The following CNTN5 variants were observed in gnomAD, a reference collection of about 807,000 sequenced individuals.
CNTN5 encodes the protein contactin-5.
A neutral mutation model predicts 129.1 loss-of-function variants in CNTN5; 77 were observed. The observed-to-expected ratio is 0.60, with a 90% CI of 0.50 to 0.72. CNTN5 has a LOEUF of 0.72. CNTN5 is among the 30% of genes least tolerant of loss of function. The probability of loss-of-function intolerance (pLI) is 0.00; values close to 1 mark genes in which losing one functional copy is unlikely to be tolerated. For synonymous variants in CNTN5, 509 were observed against 465.6 expected, an observed-to-expected ratio of 1.09 and a Z score of -1.20; for missense variants, 1,478 against 1,328.8, an observed-to-expected ratio of 1.11 and a Z score of -1.75.
At chr11:99,753,446 C>A (rs1322395936) in intron 3 of CNTN5, among the ~76,000 whole-genome samples, 2 of 151,410 alleles carry the variant, frequency 1.3e-5, no homozygotes, top group East Asian at 3.9e-4. Flanking sequence ...ATAGTTTTCA[C>A]CCTAAACACT....
chr11:99,461,514 A>G (rs1944697369), intron 2 of CNTN5, among the ~76,000 whole-genome samples: 2 of 152,164 alleles, frequency 1.3e-5, no homozygotes, highest in Admixed American at 1.3e-4. Context: ...TACCCTTGGA[A>G]TTCCTTGAAA....
At chr11:99,545,743 G>A (rs375878381) in intron 2 of CNTN5, among the ~76,000 whole-genome samples, 61 of 152,198 alleles carry the variant, frequency 4.0e-4, no homozygotes, top group African/African-American at 1.4e-3. Flanking sequence ...GAATTTAGTC[G>A]ACTTACTTGT....
chr11:99,773,677 ATAT>A (rs1352399726), intron 3 of CNTN5, among the ~76,000 whole-genome samples: 1 of 152,100 alleles, frequency 6.6e-6, no homozygotes, highest in East Asian at 1.9e-4. Flanking sequence ...GATAATAGTA[ATAT>A]TATATTTCTC....
intron 9 of CNTN5, among the ~76,000 whole-genome samples, chr11:100,047,009 C>G (rs1023427040): frequency 3.9e-5 from 6 of 151,998 alleles, no homozygotes; most frequent in Non-Finnish European, 4.4e-5. Context: ...GCTGAGGTGA[C>G]TGAAATTTAT....
intron 1 of CNTN5, among the ~76,000 whole-genome samples, chr11:99,097,480 T>C (rs954723859): frequency 1.2e-4 from 19 of 152,012 alleles, no homozygotes; most frequent in Non-Finnish European, 2.5e-4. Context: ...TTTTCTGTGA[T>C]ATTTACATAA....
At chr11:99,331,948 A>G (rs1866017889) in intron 2 of CNTN5, among the ~76,000 whole-genome samples, 1 of 152,138 alleles carries the variant, frequency 6.6e-6, no homozygotes, top group Non-Finnish European at 1.5e-5. Context: ...ATGAATAAAA[A>G]GAGAGACGTG....
chr11:100,112,042 T>C (rs1455407355), intron 13 of CNTN5, among the ~76,000 whole-genome samples: 1 of 152,170 alleles, frequency 6.6e-6, no homozygotes, highest in Non-Finnish European at 1.5e-5. Flanking sequence ...CTCTATCCTT[T>C]CCAGCACATG....
intron 6 of CNTN5, among the ~76,000 whole-genome samples, chr11:99,848,175 A>T (rs556124952): frequency 9.3e-4 from 141 of 152,282 alleles, no homozygotes; most frequent in African/African-American, 3.3e-3. Flanking sequence ...ACACCACTGC[A>T]CTCCAGCCTG....
intron 3 of CNTN5, among the ~76,000 whole-genome samples, chr11:99,648,796 TAAGTC>T (rs988475828): frequency 2.0e-5 from 3 of 151,722 alleles, no homozygotes; most frequent in African/African-American, 7.2e-5. Context: ...CTAAGTAAAA[TAAGTC>T]AGGAAGAGGA....
At chr11:100,308,894 T>C (rs1375132025) in intron 21 of CNTN5, 1 of 984,596 alleles carries the variant, frequency 1.0e-6, no homozygotes, top group African/African-American at 1.7e-5. Flanking sequence ...AATTTAATGA[T>C]CTGTATTGTA....
chr11:99,723,674 A>C (rs1943244913), intron 3 of CNTN5, among the ~76,000 whole-genome samples: 1 of 152,114 alleles, frequency 6.6e-6, no homozygotes, highest in Non-Finnish European at 1.5e-5. Context: ...TGAAAATAAC[A>C]ATGTTATTTT....
chr11:100,281,224 C>A (rs1313623272), intron 18 of CNTN5, among the ~76,000 whole-genome samples: 2 of 152,036 alleles, frequency 1.3e-5, no homozygotes, highest in African/African-American at 4.8e-5. Context: ...TCATTAATGT[C>A]CTTTTCTTTC....
intron 13 of CNTN5, among the ~76,000 whole-genome samples, chr11:100,094,829 GA>G (rs1258639044): frequency 4.1e-5 from 6 of 148,030 alleles, no homozygotes; most frequent in African/African-American, 7.5e-5. Context: ...AATTAAAGGA[GA>G]AAAAAATCAT....
chr11:100,321,167 T>G (rs917032843), intron 21 of CNTN5, among the ~76,000 whole-genome samples: 3 of 152,098 alleles, frequency 2.0e-5, no homozygotes, highest in Non-Finnish European at 2.9e-5. Context: ...TAACATTAAT[T>G]TTTCCAGTCC....
At chr11:99,495,320 A>T (rs528398892) in intron 2 of CNTN5, among the ~76,000 whole-genome samples, 16 of 152,340 alleles carry the variant, frequency 1.1e-4, no homozygotes, top group African/African-American at 3.4e-4. Context: ...GAGAGCTGAG[A>T]TCGCACCACT....
intron 3 of CNTN5, among the ~76,000 whole-genome samples, chr11:99,749,303 A>G (rs1024514280): frequency 6.6e-6 from 1 of 152,202 alleles, no homozygotes; most frequent in Non-Finnish European, 1.5e-5. Flanking sequence ...GGGAAAAAAG[A>G]TGTAAAAAAC....
intron 13 of CNTN5, among the ~76,000 whole-genome samples, chr11:100,127,794 G>T (rs1379881240): frequency 6.6e-6 from 1 of 151,370 alleles, no homozygotes; most frequent in Non-Finnish European, 1.5e-5. Flanking sequence ...GAGTAGCTGT[G>T]ATTGTAGTTG....
At chr11:99,272,001 A>T (rs1324093542) in intron 1 of CNTN5, among the ~76,000 whole-genome samples, 1 of 151,978 alleles carries the variant, frequency 6.6e-6, no homozygotes, top group African/African-American at 2.4e-5. Context: ...GTTATATTTT[A>T]AAACTATCAC....
chr11:99,362,702 G>A (rs184559597), intron 2 of CNTN5, among the ~76,000 whole-genome samples: 9 of 150,978 alleles, frequency 6.0e-5, no homozygotes, highest in East Asian at 3.9e-4. Context: ...TTTTGCATAC[G>A]ATATAAAGTA....
Sources: allele counts gnomAD v4.1 joint callset (sites outside exome capture counted in the v4.1 genomes callset), GRCh38; gene constraint gnomAD v4.1.1; transcripts MANE v1.5; gene names NCBI Gene and HGNC (gene_info 2026-07-23, HGNC 2026-07-21).